Variants in DLG2 observed in about 807,000 individuals in gnomAD.
The protein encoded by DLG2 is discs large MAGUK scaffold protein 2, also known as disks large homolog 2.
In DLG2, 45 loss-of-function variants were observed where a neutral mutation model predicts 132.5. The observed-to-expected ratio is 0.34, with a 90% CI of 0.27 to 0.44. The LOEUF is 0.44. Ranked by LOEUF, DLG2 falls within the 20% of genes least tolerant of loss-of-function variation. The pLI, the probability that DLG2 is intolerant of heterozygous loss-of-function variation, is 1.00. For synonymous variants in DLG2, 424 were observed against 419.6 expected, an observed-to-expected ratio of 1.01 and a Z score of -0.13; for missense variants, 1,045 against 1,196.9, an observed-to-expected ratio of 0.87 and a Z score of 1.87.
In DLG2 at chr11:85,627,247, G is replaced by C. The variant is rs1004860751; in HGVS notation, c.-289C>G. The C allele has an allele frequency of 1.3e-5, 2 of 152,078 alleles. No individual in the cohort carries two copies. The highest frequency in any genetic ancestry group is 2.4e-5 in the African/African-American group (1 of 41,390). The allele number at this position is 152,078 out of a possible 1,614,324, so 9.4% of individuals were successfully genotyped here. A position where few individuals can be genotyped will look rare whatever the true frequency, so the allele number is the denominator to read the frequency against. ...TCAGTAACTCAGAATCCAGCTTGCT[G>C]TCCCTTTCATTTTTTTCTTCTGTGC... On this transcript the variant is annotated 5_prime_UTR_variant, in exon 1 of 28. Coordinates refer to ENST00000376104, the MANE Select transcript of DLG2 (RefSeq NM_001142699.3).
intron 6 of DLG2, among the ~76,000 whole-genome samples, chr11:84,740,930 C>T (rs553925435): frequency 6.6e-6 from 1 of 152,310 alleles, no homozygotes; most frequent in Admixed American, 6.5e-5. Context: ...GCCCTCCACA[C>T]CACTGTGGGC....
At chr11:84,406,888 G>C (rs1440611498) in intron 7 of DLG2, among the ~76,000 whole-genome samples, 1 of 152,238 alleles carries the variant, frequency 6.6e-6, no homozygotes, top group African/African-American at 2.4e-5. Flanking sequence ...AGAAAGAGAA[G>C]AGGTGGAAGG....
At chr11:85,046,010 T>C (rs757641525) in intron 6 of DLG2, among the ~76,000 whole-genome samples, 8 of 152,032 alleles carry the variant, frequency 5.3e-5, no homozygotes, top group Non-Finnish European at 1.2e-4. Context: ...TTTTGCTTCT[T>C]TGAGTCTCAG....
intron 4 of DLG2, among the ~76,000 whole-genome samples, chr11:85,245,378 G>T (rs1195191943): frequency 6.6e-6 from 1 of 151,850 alleles, no homozygotes; most frequent in East Asian, 1.9e-4. Flanking sequence ...ACTCACAATG[G>T]AAACCTTGAA....
intron 17 of DLG2, among the ~76,000 whole-genome samples, chr11:83,812,362 T>A (rs960589650): frequency 8.5e-5 from 13 of 152,192 alleles, no homozygotes; most frequent in Admixed American, 5.2e-4. Context: ...GTCCATCTGA[T>A]ATGGCCTCAA....
chr11:83,880,436 G>C (rs1049438144), intron 15 of DLG2, among the ~76,000 whole-genome samples: 12 of 152,062 alleles, frequency 7.9e-5, no homozygotes, highest in African/African-American at 2.9e-4. Flanking sequence ...ATAAGAAGGA[G>C]CTAAGGAGAA....
intron 3 of DLG2, among the ~76,000 whole-genome samples, chr11:85,385,147 C>CA (rs1359387174): frequency 6.6e-6 from 1 of 152,058 alleles, no homozygotes; most frequent in Non-Finnish European, 1.5e-5. Context: ...ATCATTAGTA[C>CA]AAAATTATCT....
At chr11:84,174,183 A>G (rs2095891901) in intron 8 of DLG2, among the ~76,000 whole-genome samples, 1 of 151,108 alleles carries the variant, frequency 6.6e-6, no homozygotes, top group Non-Finnish European at 1.5e-5. Context: ...CATCCTTTAC[A>G]TTTGTTATCA....
At chr11:84,434,819 C>A (rs532303208) in intron 7 of DLG2, among the ~76,000 whole-genome samples, 1 of 150,982 alleles carries the variant, frequency 6.6e-6, no homozygotes, top group African/African-American at 2.4e-5. Context: ...TTAACCCCAA[C>A]CTTGAGGAAA....
rs142221425 is a variant in DLG2, at chr11:84,126,065, C to T, written c.625-27018G>A. On this transcript the variant is annotated intron_variant, in intron 9 of 27. Coordinates refer to ENST00000376104, the MANE Select transcript of DLG2 (RefSeq NM_001142699.3). The stretch of plus-strand genomic sequence containing the variant: ...TTGCCATCTCTGAATATGTCAAATC[C>T]CGTTTGATTAAACAACATGGAGGTC... Among the ~76,000 whole-genome samples the T allele has an allele frequency of 1.0e-3, 152 of 152,062 alleles. 3 individuals carry two copies. In the East Asian group the frequency reaches 0.027, roughly 27 times the overall value.
chr11:84,955,057 G>A (rs2051462683), intron 6 of DLG2, among the ~76,000 whole-genome samples: 1 of 152,118 alleles, frequency 6.6e-6, no homozygotes, highest in Non-Finnish European at 1.5e-5. Context: ...ACAAATTACT[G>A]TGTTTCAATA....
chr11:85,409,650 C>T (rs1468621102), intron 3 of DLG2, among the ~76,000 whole-genome samples: 1 of 151,758 alleles, frequency 6.6e-6, no homozygotes, highest in Non-Finnish European at 1.5e-5. Flanking sequence ...TGATTAAGGT[C>T]ATCAAGACTA....
At chr11:85,624,737 G>C (rs1252128541) in intron 2 of DLG2, among the ~76,000 whole-genome samples, 2 of 152,118 alleles carry the variant, frequency 1.3e-5, no homozygotes, top group East Asian at 3.8e-4. Flanking sequence ...CTCTAGATCA[G>C]TTTATAAGGA....
At chr11:83,931,229 A>C (rs2080150661) in intron 14 of DLG2, among the ~76,000 whole-genome samples, 1 of 152,238 alleles carries the variant, frequency 6.6e-6, no homozygotes, top group Non-Finnish European at 1.5e-5. Context: ...TTTCCATATA[A>C]TTTGGTCCTA....
rs527901916 is a variant in DLG2, at chr11:84,867,435, G to A, written c.357+244226C>T. 9.9e-5 allele frequency among the ~76,000 whole-genome samples: 15 copies of A among 152,242 alleles called. No individual in the cohort carries two copies. The South Asian group carries it at 1.2e-3, about 13-fold the overall frequency. Reference sequence around the variant, plus strand: ...CAGGTAAGTAATCTTTGAGTCTCAAGGTTCAAGTTTTGGAAGGTATGAGGA... The same window carrying A: ...CAGGTAAGTAATCTTTGAGTCTCAAAGTTCAAGTTTTGGAAGGTATGAGGA... On this transcript the variant is annotated intron_variant, in intron 6 of 27. Transcript: ENST00000376104.
intron 6 of DLG2, among the ~76,000 whole-genome samples, chr11:84,667,505 T>TG (rs777860985): frequency 8.0e-5 from 9 of 112,148 alleles, no homozygotes; most frequent in Non-Finnish European, 1.5e-4. Flanking sequence ...TTTGTTTTTT[T>TG]TTTTTTTTTG....
intron 12 of DLG2, among the ~76,000 whole-genome samples, chr11:83,973,011 C>A (rs1445676618): frequency 3.3e-5 from 5 of 152,054 alleles, no homozygotes; most frequent in Admixed American, 2.0e-4. Context: ...TTGATTTACT[C>A]AAATTTCTTC....
At chr11:83,470,599 C>A (rs1380499027) in intron 24 of DLG2, among the ~76,000 whole-genome samples, 1 of 152,152 alleles carries the variant, frequency 6.6e-6, no homozygotes, top group African/African-American at 2.4e-5. Flanking sequence ...CTGTAAACGA[C>A]CTGGAGTTTC....
intron 18 of DLG2, among the ~76,000 whole-genome samples, chr11:83,673,203 C>T (rs1459703256): frequency 6.6e-6 from 1 of 152,190 alleles, no homozygotes; most frequent in Non-Finnish European, 1.5e-5. Context: ...AACACATGCT[C>T]ATTGTTGTGC....
Sources: allele counts gnomAD v4.1 joint callset (sites outside exome capture counted in the v4.1 genomes callset), GRCh38; gene constraint gnomAD v4.1.1; transcripts MANE v1.5; gene names NCBI Gene and HGNC (gene_info 2026-07-23, HGNC 2026-07-21).